The following PCSK2 variants were observed in gnomAD, a reference collection of about 807,000 sequenced individuals.
PCSK2 encodes proprotein convertase subtilisin/kexin type 2.
A neutral mutation model predicts 69.7 loss-of-function variants in PCSK2; 14 were observed. The observed-to-expected ratio is 0.20, with a 90% confidence interval of 0.13 to 0.31. PCSK2 has a LOEUF of 0.31. PCSK2 is among the 10% of genes least tolerant of loss of function. The pLI, the probability that PCSK2 is intolerant of heterozygous loss-of-function variation, is 1.00. For missense variants in PCSK2, 544 were observed against 842.5 expected (o/e 0.65, Z 4.39); for synonymous variants, 307 against 320.7 (o/e 0.96, Z 0.46).
chr20:17,397,141 C>T (rs1025025365), intron 5 of PCSK2, among the ~76,000 whole-genome samples: 1 of 152,164 alleles, frequency 6.6e-6, no homozygotes, highest in Non-Finnish European at 1.5e-5. Flanking sequence ...TTTTATTTGT[C>T]TATATCATTT....
intron 8 of PCSK2, among the ~76,000 whole-genome samples, chr20:17,446,122 A>T (rs146114553): frequency 8.1e-4 from 123 of 152,358 alleles, no homozygotes; most frequent in Middle Eastern, 3.4e-3. Flanking sequence ...TAAACTCAGC[A>T]GCACCTCTGA....
chr20:17,454,758 C>T (rs2032887492), intron 9 of PCSK2, among the ~76,000 whole-genome samples: 1 of 152,160 alleles, frequency 6.6e-6, no homozygotes, highest in South Asian at 2.1e-4. Flanking sequence ...ACTGGCTGCA[C>T]CCATCTCCAC....
At chr20:17,258,931 C>T (rs1004936838) in intron 1 of PCSK2, among the ~76,000 whole-genome samples, 1 of 151,744 alleles carries the variant, frequency 6.6e-6, no homozygotes, top group African/African-American at 2.4e-5. Flanking sequence ...AAAAAGAAAA[C>T]ATGAAGAATT....
At chr20:17,410,389 T>C (rs2031843087) in intron 6 of PCSK2, among the ~76,000 whole-genome samples, 1 of 152,212 alleles carries the variant, frequency 6.6e-6, no homozygotes, top group South Asian at 2.1e-4. Flanking sequence ...AGAGCCTCAG[T>C]GGACAGGAAG....
At chr20:17,465,970 G>T (rs2033094497) in intron 11 of PCSK2, among the ~76,000 whole-genome samples, 2 of 152,126 alleles carry the variant, frequency 1.3e-5, no homozygotes, top group African/African-American at 2.4e-5. Context: ...TCCTCGGCCT[G>T]GATTTGACTC....
intron 5 of PCSK2, among the ~76,000 whole-genome samples, chr20:17,403,975 G>A (rs2031699397): frequency 6.6e-6 from 1 of 152,164 alleles, no homozygotes; most frequent in South Asian, 2.1e-4. Flanking sequence ...GGGTGAACTG[G>A]GAAACAGCAC....
In PCSK2 at chr20:17,440,846, G is replaced by C. The variant is rs116527754; in HGVS notation, c.885+3963G>C. Among the ~76,000 whole-genome samples, 963 of 145,968 alleles carry C rather than the reference G, an allele frequency of 6.6e-3. 18 individuals are homozygous for C. The highest frequency in any genetic ancestry group is 0.024 in the African/African-American group (923 of 38,154). The stretch of plus-strand genomic sequence containing the variant: ...CATTGCACTCCAGTCTGGGCATCAG[G>C]AGTGAAACTCTATCTCAAAAAAAAA... On this transcript the variant is annotated intron_variant, in intron 8 of 11. Transcript: ENST00000262545.
intron 2 of PCSK2, among the ~76,000 whole-genome samples, chr20:17,295,379 G>A (rs758285979): frequency 1.1e-4 from 17 of 152,008 alleles, no homozygotes; most frequent in African/African-American, 3.4e-4. Flanking sequence ...CTCTACCACC[G>A]TGCAATACCA....
At chr20:17,390,368 G>A (rs1465126664) in intron 5 of PCSK2, among the ~76,000 whole-genome samples, 1 of 152,216 alleles carries the variant, frequency 6.6e-6, no homozygotes, top group Non-Finnish European at 1.5e-5. Flanking sequence ...GATGCAGCAT[G>A]CATGCTTAAG....
At chr20:17,456,886 C>T (rs1477141928) in intron 10 of PCSK2, among the ~76,000 whole-genome samples, 1 of 152,218 alleles carries the variant, frequency 6.6e-6, no homozygotes, top group Non-Finnish European at 1.5e-5. Flanking sequence ...TGGTCCCACT[C>T]AAGATTTGTT....
At chr20:17,444,869 T>C (rs2032668212) in intron 8 of PCSK2, among the ~76,000 whole-genome samples, 1 of 152,236 alleles carries the variant, frequency 6.6e-6, no homozygotes, top group Admixed American at 6.5e-5. Flanking sequence ...TGATGAGGTT[T>C]GTTCCCAAAA....
intron 8 of PCSK2, among the ~76,000 whole-genome samples, chr20:17,441,955 G>T (rs2123360619): frequency 6.7e-6 from 1 of 149,480 alleles, no homozygotes; most frequent in African/African-American, 2.5e-5. Context: ...TAATTAAGAT[G>T]ATGTCATATT....
At chr20:17,466,317 C>T (rs768613555) in intron 11 of PCSK2, among the ~76,000 whole-genome samples, 36 of 152,204 alleles carry the variant, frequency 2.4e-4, no homozygotes, top group Admixed American at 7.2e-4. Context: ...TAGATTATTT[C>T]GCTTGGAGTT....
At chr20:17,386,189 T>G (rs547471495) in intron 5 of PCSK2, among the ~76,000 whole-genome samples, 85 of 152,190 alleles carry the variant, frequency 5.6e-4, no homozygotes, top group Non-Finnish European at 1.1e-3. Context: ...AGTATATGTA[T>G]GTACTACTAT....
chr20:17,263,633 T>C lies in PCSK2; in HGVS notation c.282+3289T>C, dbSNP rs531094756. Among the ~76,000 whole-genome samples, 25 of 152,360 alleles carry C rather than the reference T, an allele frequency of 1.6e-4. No homozygotes were observed. The South Asian group carries it at 4.3e-3, about 27-fold the overall frequency. On this transcript the variant is annotated intron_variant, in intron 2 of 11. Coordinates refer to ENST00000262545, the MANE Select transcript of PCSK2 (RefSeq NM_002594.5). ...TCCATTAGGAAATAAAAGTACTATA[T>C]AGTCTTCTCCCTAGCACCTCTTTTA...
chr20:17,453,956 T>A lies in PCSK2; in HGVS notation c.1100T>A (p.Val367Glu). The A allele has an allele frequency of 6.2e-7, 1 of 1,614,148 alleles. No individual in the cohort carries two copies. The highest frequency in any genetic ancestry group is 8.5e-7 in the Non-Finnish European group (1 of 1,180,024). The change falls in exon 9 of 12, where the codon GTG becomes GAG. Residue 367 changes from valine to glutamate, a missense_variant and splice_region_variant. This residue lies in a region of PCSK2 where 187 missense variants were observed against 399.8 expected (regional missense o/e 0.47). Coordinates refer to ENST00000262545, the MANE Select transcript of PCSK2 (RefSeq NM_002594.5). This position sits in a 1 kb window ranked among gnomAD's most constrained non-coding sequence, Gnocchi z 4.0. ...AGGAAAAGGAACCCCGAGGCCGGTG[T>A]GGTGAGCACGTCCCCTTCTGTCCTT... is the stretch of plus-strand genomic sequence containing the variant. ...NGRKRNPEAG[V>E]ATTDLYGNCT...
At chr20:17,443,765 C>T (rs2032643040) in intron 8 of PCSK2, among the ~76,000 whole-genome samples, 1 of 152,194 alleles carries the variant, frequency 6.6e-6, no homozygotes, top group Admixed American at 6.5e-5. Context: ...GCCTCCCTGG[C>T]TGCAGGTGAA....
rs2033457903 is a variant in PCSK2 at position 17,484,214 on chromosome 20, C to T, written c.*2144C>T. 1 of 152,270 alleles carries T rather than the reference C, an allele frequency of 6.6e-6. No individual in the cohort carries two copies. The highest frequency in any genetic ancestry group is 2.4e-5 in the African/African-American group (1 of 41,414). 9.4% of individuals were successfully genotyped at this position (152,270 alleles called of 1,614,324 possible). A position where few individuals can be genotyped will look rare whatever the true frequency, so the allele number is the denominator to read the frequency against. The stretch of plus-strand genomic sequence containing the variant: ...TATAAAATAGTTGTCCATATTTTCA[C>T]AGGTGTGGTGTAATTTATAAAATTA... On this transcript the variant is annotated 3_prime_UTR_variant, in exon 12 of 12. Transcript: ENST00000262545.
chr20:17,449,723 C>T (rs917089602), intron 8 of PCSK2, among the ~76,000 whole-genome samples: 2 of 151,746 alleles, frequency 1.3e-5, no homozygotes, highest in African/African-American at 4.8e-5. Flanking sequence ...GACGAGGTTT[C>T]TCCATGTTGG....
Sources: gnomAD v4.1 joint callset for allele counts (sites outside exome capture counted in the v4.1 genomes callset) on GRCh38, gnomAD v4.1.1 for gene constraint, gnomAD v4.1.1 regional missense constraint, Gnocchi (gnomAD v3.1) non-coding constraint, MANE v1.5 for transcripts, NCBI Gene and HGNC (gene_info 2026-07-23, HGNC 2026-07-21) for gene names.